The following CEACAM21 variants were observed in gnomAD, a reference collection of about 807,000 sequenced individuals.
CEACAM21 encodes CEA cell adhesion molecule 21, also known as cell adhesion molecule CEACAM21.
Under a neutral mutation model 33.2 loss-of-function variants are expected in CEACAM21, and 38 were observed. That is an observed-to-expected ratio of 1.14 (90% CI 0.88 to 1.50). The LOEUF (loss-of-function observed/expected upper bound fraction) is 1.50, where lower values mean the gene tolerates loss of function less well. CEACAM21 is among the 40% of genes most tolerant of loss of function. CEACAM21 has a pLI of 0.00. For missense variants in CEACAM21, 385 were observed against 364.6 expected, an observed-to-expected ratio of 1.06 and a Z score of -0.46; for synonymous variants, 156 against 143.0, an observed-to-expected ratio of 1.09 and a Z score of -0.65.
intron 2 of CEACAM21, among the ~76,000 whole-genome samples, chr19:41,569,925 G>C (rs1555789103): frequency 6.6e-6 from 1 of 152,166 alleles, no homozygotes; most frequent in Non-Finnish European, 1.5e-5. Flanking sequence ...CTGACTTGCA[G>C]ACACACAGGG....
At chr19:41,579,100 C>T (rs549769638) in intron 2 of CEACAM21, among the ~76,000 whole-genome samples, 5 of 152,024 alleles carry the variant, frequency 3.3e-5, no homozygotes, top group South Asian at 2.1e-4. Context: ...ACTCTGGGGC[C>T]GCTCATCTGT....
intron 1 of CEACAM21, among the ~76,000 whole-genome samples, chr19:41,564,413 C>T (rs143475695): frequency 6.6e-6 from 1 of 151,884 alleles, no homozygotes; most frequent in Non-Finnish European, 1.5e-5. Context: ...CTGAGCTCGC[C>T]TTAGCTAATC....
At chr19:41,563,507 C>T (rs535090547) in intron 1 of CEACAM21, among the ~76,000 whole-genome samples, 26 of 152,322 alleles carry the variant, frequency 1.7e-4, no homozygotes, top group Non-Finnish European at 3.2e-4. Context: ...TAGGCATGCG[C>T]AAGGTCGCAC....
rs2122324611 is a variant in CEACAM21, at chr19:41,586,690, T to C, written c.*227T>C. Reference sequence around the variant, plus strand: ...GGGATGGGGGTCCCTGCTGAATATATAGAGACCTCAACAGACTGCCCCGGG... The same window carrying C: ...GGGATGGGGGTCCCTGCTGAATATACAGAGACCTCAACAGACTGCCCCGGG... On this transcript the variant is annotated 3_prime_UTR_variant, in exon 7 of 7. Coordinates refer to ENST00000401445, the MANE Select transcript of CEACAM21 (RefSeq NM_001098506.4). The C allele has an allele frequency of 2.4e-6, 1 of 417,858 alleles. No individual in the cohort carries two copies. 25.9% of individuals were successfully genotyped at this position (417,858 alleles called of 1,614,324 possible).
At chr19:41,563,762 G>A (rs1288245765) in intron 1 of CEACAM21, among the ~76,000 whole-genome samples, 1 of 152,230 alleles carries the variant, frequency 6.6e-6, no homozygotes, top group African/African-American at 2.4e-5. Context: ...CAAGGGGGTG[G>A]TCCCTTTTCC....
At chr19:41,586,014 G>T (rs1270975685) in intron 6 of CEACAM21, 143 bp downstream of exon 6, 3 of 863,342 alleles carry the variant, frequency 3.5e-6, no homozygotes, top group Non-Finnish European at 3.7e-6. Flanking sequence ...CCATGAGCTG[G>T]GCCTCTGTTC....
chr19:41,568,220 A>C (rs904190286), intron 2 of CEACAM21, among the ~76,000 whole-genome samples: 1 of 151,772 alleles, frequency 6.6e-6, no homozygotes, highest in Admixed American at 6.6e-5. Context: ...TTCTCCTCCC[A>C]TTTGTAGGTT....
chr19:41,562,967 A>G (rs2041992896), intron 1 of CEACAM21, among the ~76,000 whole-genome samples: 1 of 152,080 alleles, frequency 6.6e-6, no homozygotes, highest in Non-Finnish European at 1.5e-5. Flanking sequence ...TGACCTCGTG[A>G]TCCGCCTGCC....
At chr19:41,558,003 G>T (rs188341021) in intron 1 of CEACAM21, among the ~76,000 whole-genome samples, 3 of 152,204 alleles carry the variant, frequency 2.0e-5, no homozygotes, top group Non-Finnish European at 4.4e-5. Context: ...CAAGAGTTTC[G>T]TCTGGGGACC....
intron 1 of CEACAM21, among the ~76,000 whole-genome samples, chr19:41,562,860 C>G (rs1568585940): frequency 6.6e-6 from 1 of 152,112 alleles, no homozygotes; most frequent in Non-Finnish European, 1.5e-5. Context: ...TCCCAAGTAG[C>G]TGGGACTACA....
chr19:41,579,335 T>C lies in CEACAM21; in HGVS notation c.425-18T>C. 1 of 1,613,982 alleles carries C rather than the reference T, an allele frequency of 6.2e-7. No individual in the cohort carries two copies. The highest frequency in any genetic ancestry group is 8.5e-7 in the Non-Finnish European group (1 of 1,179,882). On this transcript the variant is annotated intron_variant, in intron 2 of 6. Transcript: ENST00000401445. ...AGCATGGCCCCAAGACACTTTCTGTTGGTCACTCTATCCACAGAGTCAGTG... is the reference window on the plus strand; with the variant it reads ...AGCATGGCCCCAAGACACTTTCTGTCGGTCACTCTATCCACAGAGTCAGTG...
intron 3 of CEACAM21, 55 bp downstream of exon 3, chr19:41,579,683 A>G (rs2043228548): frequency 1.3e-5 from 15 of 1,160,450 alleles, no homozygotes; most frequent in South Asian, 3.1e-5. Context: ...CCTAGGAGGG[A>G]GGGGGGGTGT....
upstream of CEACAM21, among the ~76,000 whole-genome samples, chr19:41,575,555 C>T (rs4141218): frequency 0.31 from 46,915 of 152,080 alleles, 10,167 homozygotes; most frequent in African/African-American, 0.62. Context: ...ACCCCAGACA[C>T]GGAGAGGGTC....
chr19:41,584,671 G>A (rs1338875537), intron 4 of CEACAM21, among the ~76,000 whole-genome samples: 1 of 152,160 alleles, frequency 6.6e-6, no homozygotes, highest in Admixed American at 6.5e-5. Context: ...ATGCCCCTGA[G>A]CATGGTCCTA....
At chr19:41,579,276 G>A (rs1372350073) in intron 2 of CEACAM21, 77 bp from the exon 3 acceptor site, 1 of 1,612,346 alleles carries the variant, frequency 6.2e-7, no homozygotes, top group Admixed American at 1.7e-5. Context: ...ACAGGAGAAT[G>A]TTCTAAATTT....
intron 2 of CEACAM21, 45 bp from the exon 3 acceptor site, chr19:41,579,308 G>A: frequency 6.2e-7 from 1 of 1,613,804 alleles, no homozygotes; most frequent in East Asian, 2.2e-5. Flanking sequence ...CTCTGAGGAT[G>A]CAGCATGGCC....
At chr19:41,562,089 T>C (rs1286143758) in intron 1 of CEACAM21, among the ~76,000 whole-genome samples, 1 of 151,718 alleles carries the variant, frequency 6.6e-6, no homozygotes, top group Admixed American at 6.6e-5. Flanking sequence ...GTACTAAAAA[T>C]ACAAAAATTA....
At position 41,563,666 on chromosome 19, in the gene CEACAM21, G is replaced by T. The variant is rs1307561743; in HGVS notation, c.-778-1016G>T. On this transcript the variant is annotated intron_variant, in intron 1 of 7. Transcript: ENST00000407170. ...CAGATCCCATCCAGGGAGCTGCTCT[G>T]CTGCAGAGAAAACTCGGACCCAGAA... 2.0e-5 allele frequency among the ~76,000 whole-genome samples: 3 copies of T among 152,272 alleles called. No homozygotes were observed. The East Asian group carries it at 5.8e-4, about 29-fold the overall frequency.
Position 41,585,735 on chromosome 19 carries a change from G to C in CEACAM21, c.851-105G>C, listed in dbSNP as rs925917716. The C allele has an allele frequency of 1.1e-4, 139 of 1,253,346 alleles. No individual in the cohort carries two copies. In the South Asian group the frequency reaches 1.4e-3, roughly 12 times the overall value. 77.6% of individuals were successfully genotyped at this position (1,253,346 alleles called of 1,614,324 possible). ...TGACCCCTAAAATAACCTGAGAAAG[G>C]CTCCCTCTCCCCAATTCTCTAAGAA... On this transcript the variant is annotated intron_variant, in intron 5 of 6. Coordinates refer to ENST00000401445, the MANE Select transcript of CEACAM21 (RefSeq NM_001098506.4).
Sources: gnomAD v4.1 joint callset for allele counts (sites outside exome capture counted in the v4.1 genomes callset) on GRCh38, gnomAD v4.1.1 for gene constraint, MANE v1.5 for transcripts, NCBI Gene and HGNC (gene_info 2026-07-23, HGNC 2026-07-21) for gene names.